The following FGF14 variants were observed in gnomAD, a reference collection of about 807,000 sequenced individuals.
The protein encoded by FGF14 is fibroblast growth factor 14, also known as fibroblast growth factor homologous factor 4.
A neutral mutation model predicts 25.5 loss-of-function variants in FGF14; 5 were observed. The observed-to-expected ratio is 0.20, with a 90% confidence interval of 0.10 to 0.41. The LOEUF is 0.41. Ranked by LOEUF, FGF14 falls within the 10% of genes least tolerant of loss-of-function variation. The probability of loss-of-function intolerance (pLI) is 1.00; values close to 1 mark genes in which losing one functional copy is unlikely to be tolerated. For missense variants in FGF14, 222 were observed against 320.1 expected (o/e 0.69, Z 2.34); for synonymous variants, 138 against 118.3 (o/e 1.17, Z -1.08).
intron 1 of FGF14, among the ~76,000 whole-genome samples, chr13:101,909,205 C>T (rs1342721656): frequency 6.6e-6 from 1 of 152,048 alleles, no homozygotes; most frequent in Admixed American, 6.6e-5. Context: ...TCTAAAACAC[C>T]AAAAGCAATG....
rs139773893 is a variant in FGF14 at position 102,293,830 on chromosome 13, C to T, written c.208+107641G>A. 9.3e-3 allele frequency: 1,414 copies of T among 152,304 alleles called. 9 individuals are homozygous for T. Among genetic ancestry groups the T allele is most frequent in the Non-Finnish European group, 0.015 (1,053 of 68,028 alleles). 9.4% of individuals were successfully genotyped at this position (152,304 alleles called of 1,614,324 possible). On this transcript the variant is annotated intron_variant, in intron 1 of 4. Transcript: ENST00000376131. Reference sequence around the variant, plus strand: ...CTGTCTGTGTGATTTGAAGTGCTCTCACTTGCATGCTGAGAAGTGTTATAA... The same window carrying T: ...CTGTCTGTGTGATTTGAAGTGCTCTTACTTGCATGCTGAGAAGTGTTATAA...
intron 1 of FGF14, among the ~76,000 whole-genome samples, chr13:102,140,055 C>T (rs558085366): frequency 1.4e-5 from 2 of 146,008 alleles, no homozygotes; most frequent in East Asian, 2.0e-4. Flanking sequence ...CCCCCCCCCC[C>T]CTTACAGCAG....
intron 1 of FGF14, among the ~76,000 whole-genome samples, chr13:102,242,524 A>G (rs2051653327): frequency 6.6e-6 from 1 of 152,040 alleles, no homozygotes; most frequent in Admixed American, 6.6e-5. Context: ...TAGAGAGAGA[A>G]AAGGGGCCCA....
chr13:101,732,457 A>G (rs1222267316), intron 3 of FGF14, among the ~76,000 whole-genome samples: 1 of 152,188 alleles, frequency 6.6e-6, no homozygotes, highest in Non-Finnish European at 1.5e-5. Flanking sequence ...AATAGCTACT[A>G]ATATATTACT....
At chr13:101,788,815 A>G (rs1234401565) in intron 3 of FGF14, among the ~76,000 whole-genome samples, 1 of 142,040 alleles carries the variant, frequency 7.0e-6, no homozygotes, top group Admixed American at 7.3e-5. Flanking sequence ...TTTTCCCAGG[A>G]TTCTTCCTGA....
At chr13:102,271,257 A>G (rs376472596) in intron 1 of FGF14, among the ~76,000 whole-genome samples, 2 of 152,234 alleles carry the variant, frequency 1.3e-5, no homozygotes, top group South Asian at 4.1e-4. Context: ...AACAATTTTT[A>G]TATCTCATAT....
At chr13:102,385,629 A>G (rs1017252792) in intron 1 of FGF14, among the ~76,000 whole-genome samples, 4 of 152,202 alleles carry the variant, frequency 2.6e-5, no homozygotes, top group African/African-American at 7.2e-5. Flanking sequence ...TTAAAACACA[A>G]AAAGTTATTT....
At chr13:101,790,042 T>C (rs1006956972) in intron 3 of FGF14, among the ~76,000 whole-genome samples, 1 of 151,944 alleles carries the variant, frequency 6.6e-6, no homozygotes, top group African/African-American at 2.4e-5. Context: ...AGACTTCAGA[T>C]TCTACCTCTG....
intron 1 of FGF14, among the ~76,000 whole-genome samples, chr13:102,089,014 G>A (rs1245916063): frequency 6.6e-6 from 1 of 152,066 alleles, no homozygotes; most frequent in East Asian, 1.9e-4. Flanking sequence ...AATCCTTTCT[G>A]GTTCAACTTT....
At chr13:102,329,130 A>T (rs2056556195) in intron 1 of FGF14, among the ~76,000 whole-genome samples, 2 of 152,138 alleles carry the variant, frequency 1.3e-5, no homozygotes, top group African/African-American at 4.8e-5. Flanking sequence ...AGTTGAGCAA[A>T]TAGAGGGTTG....
intron 3 of FGF14, among the ~76,000 whole-genome samples, chr13:101,750,539 G>A (rs2037202413): frequency 1.3e-5 from 2 of 152,146 alleles, no homozygotes; most frequent in Admixed American, 6.6e-5. Context: ...AGAAGTCTTT[G>A]TGAAGGAAAA....
chr13:102,257,460 T>C (rs1427576535), intron 1 of FGF14, among the ~76,000 whole-genome samples: 1 of 147,476 alleles, frequency 6.8e-6, no homozygotes. Flanking sequence ...CAAGTGATTC[T>C]TCTGCCCCAG....
rs930228621 is a variant in FGF14, at chr13:101,864,114, T to C, written c.408+4611A>G. On this transcript the variant is annotated intron_variant, in intron 3 of 4. Coordinates refer to ENST00000376143, the MANE Select transcript of FGF14 (RefSeq NM_004115.4). ...TAGCATTTATCTTTCTTTCCTTGAT[T>C]AAAGAACTTTCATATATACATATTT... Among the ~76,000 whole-genome samples, 4 of 152,160 alleles carry C rather than the reference T, an allele frequency of 2.6e-5. No homozygotes were observed. In the East Asian group the frequency reaches 7.7e-4, roughly 29 times the overall value.
intron 3 of FGF14, among the ~76,000 whole-genome samples, chr13:101,835,530 T>C (rs2042882084): frequency 6.6e-6 from 1 of 152,056 alleles, no homozygotes; most frequent in Non-Finnish European, 1.5e-5. Context: ...GTAATCGATA[T>C]GACTTTTTTT....
intron 3 of FGF14, among the ~76,000 whole-genome samples, chr13:101,811,210 T>G (rs1003488677): frequency 2.6e-5 from 4 of 152,138 alleles, no homozygotes; most frequent in Admixed American, 1.3e-4. Context: ...TATCCACTAT[T>G]ATACTATCAC....
chr13:101,827,649 AAAC>A (rs1470743751), intron 3 of FGF14, among the ~76,000 whole-genome samples: 4 of 151,964 alleles, frequency 2.6e-5, no homozygotes, highest in South Asian at 2.1e-4. Context: ...TTGACAATGA[AAAC>A]AACATTTTTT....
chr13:101,754,662 G>T (rs1018814841), intron 3 of FGF14, among the ~76,000 whole-genome samples: 8 of 151,906 alleles, frequency 5.3e-5, no homozygotes, highest in African/African-American at 1.9e-4. Flanking sequence ...CTGGGAGGCG[G>T]AGATTGCAGT....
chr13:102,211,070 T>C (rs1412583054), intron 1 of FGF14, among the ~76,000 whole-genome samples: 1 of 152,158 alleles, frequency 6.6e-6, no homozygotes, highest in African/African-American at 2.4e-5. Flanking sequence ...TCATTTTTTA[T>C]CTTTCTATCT....
chr13:102,004,841 C>CCCTT (rs2039697218), intron 1 of FGF14, among the ~76,000 whole-genome samples: 1 of 152,122 alleles, frequency 6.6e-6, no homozygotes, highest in Non-Finnish European at 1.5e-5. Flanking sequence ...GGGCTTTACC[C>CCCTT]CCTTTGCTTG....
Sources: gnomAD v4.1 joint callset for allele counts (sites outside exome capture counted in the v4.1 genomes callset) on GRCh38, gnomAD v4.1.1 for gene constraint, MANE v1.5 for transcripts, NCBI Gene and HGNC (gene_info 2026-07-23, HGNC 2026-07-21) for gene names.